COPB1: variants seen among roughly 807,000 people sequenced by gnomAD.
The protein encoded by COPB1 is coatomer subunit beta.
A neutral mutation model predicts 108.7 loss-of-function variants in COPB1; 21 were observed. That is an observed-to-expected ratio of 0.19 (90% CI 0.14 to 0.28). The LOEUF is 0.28. COPB1 is among the 10% of genes least tolerant of loss of function. COPB1 has a pLI of 1.00. For missense variants in COPB1, 919 were observed against 1,141.3 expected (o/e 0.81, Z 2.81); for synonymous variants, 378 against 386.8 (o/e 0.98, Z 0.27).
At chr11:14,460,373 T>C (rs1850118525) in intron 19 of COPB1, 76 bp from the exon 20 acceptor site, 2 of 903,740 alleles carry the variant, frequency 2.2e-6, no homozygotes, top group African/African-American at 3.4e-5. Context: ...GTATGTCATA[T>C]TAAAAACTTG....
chr11:14,466,734 T>C (rs1850289311), intron 16 of COPB1, among the ~76,000 whole-genome samples: 1 of 152,176 alleles, frequency 6.6e-6, no homozygotes, highest in South Asian at 2.1e-4. Context: ...ATTTAGCAAA[T>C]ACATTAAACA....
At chr11:14,458,074 A>ATTTTTTTTTTT (rs748562590) in intron 21 of COPB1, among the ~76,000 whole-genome samples, 191 bp from the exon 22 acceptor site, 1 of 100,728 alleles carries the variant, frequency 9.9e-6, no homozygotes, top group Non-Finnish European at 1.9e-5. Context: ...CCGTCACCAG[A>ATTTTTTTTTTT]TTTTTTTTTT....
intron 7 of COPB1, 107 bp from the exon 8 acceptor site, chr11:14,483,258 ACT>A: frequency 1.8e-6 from 1 of 557,234 alleles, no homozygotes; most frequent in Non-Finnish European, 2.8e-6. Flanking sequence ...ACACACACAC[ACT>A]CCCATGAAGC....
Position 14,469,527 on chromosome 11 carries a change from T to C in COPB1, c.1774A>G (p.Ile592Val), listed in dbSNP as rs779027092. ...VAEAMLLMAT[I>V]LHLGKSSLPK... ...AGAGAGGATTTTCCCAAATGCAGGATAGTAGCCATGAGCAACATAGCCTCA... is the reference window on the plus strand; with the variant it reads ...AGAGAGGATTTTCCCAAATGCAGGACAGTAGCCATGAGCAACATAGCCTCA... The change falls in exon 15 of 22, where the codon ATC (isoleucine) becomes GTC (valine). Residue 592 changes from isoleucine to valine, a missense_variant. Physicochemically the swap from Ile to Val is conservative, Grantham distance 29. Transcript: ENST00000439561. 3.1e-6 allele frequency: 5 copies of C among 1,614,194 alleles called. No homozygotes were observed. The highest frequency in any genetic ancestry group is 4.2e-6 in the Non-Finnish European group (5 of 1,180,030).
In COPB1 at chr11:14,481,106, G is replaced by T; in HGVS notation, c.958-9C>A. Reference sequence around the variant, plus strand: ...ATATCCATAACCAGATCCTAAAAAAGAAGAAAAAATCAAGAATTAACACCA... The same window carrying T: ...ATATCCATAACCAGATCCTAAAAAATAAGAAAAAATCAAGAATTAACACCA... On this transcript the variant is annotated splice_polypyrimidine_tract_variant and intron_variant, in intron 8 of 21. Transcript: ENST00000439561. 1.3e-6 allele frequency: 2 copies of T among 1,593,758 alleles called. No individual in the cohort carries two copies. The highest frequency in any genetic ancestry group is 8.5e-7 in the Non-Finnish European group (1 of 1,171,334).
chr11:14,471,196 TATG>T (rs1850395172), intron 14 of COPB1, among the ~76,000 whole-genome samples: 1 of 152,240 alleles, frequency 6.6e-6, no homozygotes, highest in Admixed American at 6.5e-5. Context: ...GCAAAAGATG[TATG>T]ATACCAGAAA....
intron 5 of COPB1, among the ~76,000 whole-genome samples, chr11:14,489,804 A>G (rs951434235): frequency 1.3e-5 from 2 of 152,228 alleles, no homozygotes; most frequent in Admixed American, 1.3e-4. Flanking sequence ...GAAGATAGTG[A>G]TGGTTCTACA....
chr11:14,480,572 T>C (rs1850639099), intron 10 of COPB1, among the ~76,000 whole-genome samples, 187 bp downstream of exon 10: 1 of 152,160 alleles, frequency 6.6e-6, no homozygotes, highest in South Asian at 2.1e-4. Flanking sequence ...TTTTGATGAA[T>C]ATATAAGTGA....
intron 2 of COPB1, among the ~76,000 whole-genome samples, chr11:14,495,427 C>T (rs1363921570): frequency 6.6e-6 from 1 of 152,214 alleles, no homozygotes; most frequent in Non-Finnish European, 1.5e-5. Context: ...ATGAGAAATA[C>T]ATTTCTAATG....
intron 6 of COPB1, among the ~76,000 whole-genome samples, chr11:14,488,007 T>C (rs1850815129): frequency 6.6e-6 from 1 of 152,254 alleles, no homozygotes; most frequent in Non-Finnish European, 1.5e-5. Flanking sequence ...TAGTATTTGA[T>C]TTAAAAATCC....
At chr11:14,470,944 A>ACACACACACACTCT (rs1285522756) in intron 14 of COPB1, among the ~76,000 whole-genome samples, 77 of 90,128 alleles carry the variant, frequency 8.5e-4, no homozygotes, top group African/African-American at 3.8e-3. Flanking sequence ...ACACACACAC[A>ACACACACACACTCT]CTCTCTCTCT....
intron 21 of COPB1, 26 bp from the exon 22 acceptor site, chr11:14,457,909 TA>T: frequency 7.2e-7 from 1 of 1,395,348 alleles, no homozygotes; most frequent in Non-Finnish European, 9.9e-7. Context: ...AAGATATTTA[TA>T]ATTATTTAAA....
At chr11:14,472,205 A>T (rs903799422) in intron 14 of COPB1, among the ~76,000 whole-genome samples, 4 of 152,210 alleles carry the variant, frequency 2.6e-5, no homozygotes, top group Non-Finnish European at 5.9e-5. Flanking sequence ...GTGGCAGCAT[A>T]ATGGATGTTG....
chr11:14,489,750 G>GT (rs569134571), intron 5 of COPB1, among the ~76,000 whole-genome samples: 227 of 152,222 alleles, frequency 1.5e-3, no homozygotes, highest in Admixed American at 3.8e-3. Flanking sequence ...TTTTTAATGG[G>GT]TACAGAGTTT....
chr11:14,473,194 C>T (rs900793295), intron 14 of COPB1, among the ~76,000 whole-genome samples: 26 of 152,114 alleles, frequency 1.7e-4, no homozygotes, highest in African/African-American at 6.0e-4. Flanking sequence ...AGGCTGGTCT[C>T]GAACTCCTGA....
chr11:14,493,066 A>T (rs1850944016), intron 4 of COPB1, among the ~76,000 whole-genome samples: 1 of 152,126 alleles, frequency 6.6e-6, no homozygotes, highest in Admixed American at 6.5e-5. Flanking sequence ...GAATCACTTG[A>T]ATCCGGGAGG....
chr11:14,494,078 T>C (rs1220239602), intron 3 of COPB1, 132 bp downstream of exon 3: 1 of 714,612 alleles, frequency 1.4e-6, no homozygotes, highest in East Asian at 2.7e-5. Flanking sequence ...AAAATAACTC[T>C]TTTACAATTC....
chr11:14,496,726 G>T (rs1489949752), intron 2 of COPB1, among the ~76,000 whole-genome samples: 1 of 148,192 alleles, frequency 6.7e-6, no homozygotes, highest in Non-Finnish European at 1.5e-5. Context: ...AACCACAAAA[G>T]ACCCAGAATA....
At chr11:14,473,559 GAA>G (rs1850454350) in intron 14 of COPB1, among the ~76,000 whole-genome samples, 1 of 100,170 alleles carries the variant, frequency 1.0e-5, no homozygotes, top group Non-Finnish European at 2.1e-5. Context: ...GCCCAAGGAG[GAA>G]AGAGACGGGG....
Sources: gnomAD v4.1 joint callset for allele counts (sites outside exome capture counted in the v4.1 genomes callset) on GRCh38, gnomAD v4.1.1 for gene constraint, MANE v1.5 for transcripts, NCBI Gene and HGNC (gene_info 2026-07-23, HGNC 2026-07-21) for gene names.